Variants in MYO1D observed in about 807,000 individuals in gnomAD.
MYO1D encodes the protein unconventional myosin-Id.
Under a neutral mutation model 122.0 loss-of-function variants are expected in MYO1D, and 83 were observed. The ratio of observed to expected loss-of-function variants is 0.68; its 90% CI spans 0.57 to 0.82. MYO1D has a LOEUF of 0.82. Among genes scored for constraint, MYO1D ranks in the 40% least tolerant of loss-of-function variants. The probability of loss-of-function intolerance (pLI) is 0.00; values close to 1 mark genes in which losing one functional copy is unlikely to be tolerated. For synonymous variants in MYO1D, 464 were observed against 446.9 expected (o/e 1.04, Z -0.48); for missense variants, 1,157 against 1,269.5 (o/e 0.91, Z 1.35).
intron 1 of MYO1D, among the ~76,000 whole-genome samples, chr17:32,841,092 T>C (rs543021651): frequency 2.0e-5 from 3 of 152,354 alleles, no homozygotes; most frequent in Admixed American, 1.3e-4. Context: ...TAGGCTGAGC[T>C]ACGATGTTTG....
At chr17:32,663,492 G>A (rs1236382570) in intron 16 of MYO1D, among the ~76,000 whole-genome samples, 9 of 152,170 alleles carry the variant, frequency 5.9e-5, no homozygotes, top group African/African-American at 2.2e-4. Flanking sequence ...TGAAATAAAT[G>A]CATCAGAGGT....
At chr17:32,743,687 G>T (rs565064913) in intron 13 of MYO1D, among the ~76,000 whole-genome samples, 2 of 151,492 alleles carry the variant, frequency 1.3e-5, no homozygotes, top group Non-Finnish European at 2.9e-5. Context: ...GCGCGATCTC[G>T]GCTCACTGCA....
In MYO1D at chr17:32,513,547, T is replaced by A. The variant is rs55693753; in HGVS notation, c.2865-18632A>T. On this transcript the variant is annotated intron_variant, in intron 21 of 21. Transcript: ENST00000318217. Reference sequence around the variant, plus strand: ...CCCAGGAGTACACAGGGCTCAGTGCTCTCTCTCCCTTAAAGGAATAGATGT... The same window carrying A: ...CCCAGGAGTACACAGGGCTCAGTGCACTCTCTCCCTTAAAGGAATAGATGT... Among the ~76,000 whole-genome samples, 425 of 152,296 alleles carry A rather than the reference T, an allele frequency of 2.8e-3. 2 individuals carry two copies. The highest frequency in any genetic ancestry group is 1.0e-2 in the African/African-American group (414 of 41,560).
intron 21 of MYO1D, among the ~76,000 whole-genome samples, chr17:32,519,739 A>G (rs192594332): frequency 4.7e-4 from 72 of 152,172 alleles, no homozygotes; most frequent in Admixed American, 4.5e-3. Flanking sequence ...GGCTTAGATC[A>G]TCTGCTGGCA....
intron 20 of MYO1D, among the ~76,000 whole-genome samples, chr17:32,626,210 T>C (rs1247231160): frequency 6.6e-6 from 1 of 152,146 alleles, no homozygotes; most frequent in Non-Finnish European, 1.5e-5. Context: ...ACATGGGAGG[T>C]GCTCCAAAAT....
At chr17:32,857,857 T>A (rs2091040358) in intron 1 of MYO1D, among the ~76,000 whole-genome samples, 1 of 152,232 alleles carries the variant, frequency 6.6e-6, no homozygotes, top group East Asian at 1.9e-4. Context: ...ATCAGGCATT[T>A]ATTATATGCT....
rs749660322 is a variant in MYO1D at position 32,659,151 on chromosome 17, C to T, written c.2309G>A (p.Arg770His). The T allele has an allele frequency of 4.3e-6, 7 of 1,614,040 alleles. No homozygotes were observed. The African/African-American group carries it at 8.0e-5, about 18-fold the overall frequency. ...VKWPSPPKVL[R>H]RFEEALQTIF... is the part of the protein sequence containing the mutation. The stretch of plus-strand genomic sequence containing the variant: ...CGTCTGCAGGGCCTCCTCAAAACGG[C>T]GAAGAACTTTAGGAGGGCTTGGCCA... Residue 770 changes from arginine to histidine, a missense_variant, in exon 17 of 22, where the codon CGC (arginine) becomes CAC (histidine). By Grantham distance (29) the Arg-to-His change is conservative. Transcript: ENST00000318217.
chr17:32,685,571 G>A (rs574298738), intron 16 of MYO1D, among the ~76,000 whole-genome samples: 1 of 152,292 alleles, frequency 6.6e-6, no homozygotes, highest in East Asian at 1.9e-4. Context: ...CATGTCTGTA[G>A]AGGTTTTTCC....
chr17:32,843,532 T>C lies in MYO1D; in HGVS notation c.95+33246A>G, dbSNP rs540253282. 2.7e-3 allele frequency among the ~76,000 whole-genome samples: 417 copies of C among 152,332 alleles called. 3 individuals are homozygous for C. Among genetic ancestry groups the C allele is most frequent in the African/African-American group, 8.6e-3 (358 of 41,572 alleles). Reference sequence around the variant, plus strand: ...ATGTTTATTAGTCACTAAATCATCATGTATTCTATCTGGCATGCTAAGAAA... The same window carrying C: ...ATGTTTATTAGTCACTAAATCATCACGTATTCTATCTGGCATGCTAAGAAA... On this transcript the variant is annotated intron_variant, in intron 1 of 21. Coordinates refer to ENST00000318217, the MANE Select transcript of MYO1D (RefSeq NM_015194.3).
intron 3 of MYO1D, among the ~76,000 whole-genome samples, chr17:32,777,220 G>A (rs955629749): frequency 2.0e-5 from 3 of 152,070 alleles, no homozygotes. Context: ...AAGAAGGAGG[G>A]ATATGTTACA....
At chr17:32,760,156 A>G (rs779828092) in intron 10 of MYO1D, 134 bp downstream of exon 10, 1 of 832,414 alleles carries the variant, frequency 1.2e-6, no homozygotes, top group Non-Finnish European at 2.1e-6. Context: ...TTGTATTTAC[A>G]TATCCCAAAA....
chr17:32,668,977 CA>C (rs1446282820), intron 16 of MYO1D, among the ~76,000 whole-genome samples: 2 of 151,966 alleles, frequency 1.3e-5, no homozygotes, highest in African/African-American at 4.8e-5. Context: ...GCTGGGATTA[CA>C]GGTGTGAGCC....
chr17:32,569,524 C>G (rs1051667436), intron 21 of MYO1D, among the ~76,000 whole-genome samples: 1 of 152,204 alleles, frequency 6.6e-6, no homozygotes, highest in African/African-American at 2.4e-5. Flanking sequence ...GGTGAACACC[C>G]AGGGGAAGTG....
At chr17:32,683,534 TG>T (rs927856637) in intron 16 of MYO1D, among the ~76,000 whole-genome samples, 3 of 151,928 alleles carry the variant, frequency 2.0e-5, no homozygotes, top group Non-Finnish European at 4.4e-5. Flanking sequence ...GTGCCCCTGC[TG>T]GGGGGTGCCT....
rs932107190 is a variant in MYO1D at position 32,747,084 on chromosome 17, GTGGAAAATGGTGCCA to G, written c.1539-1814_1539-1800del. Among the ~76,000 whole-genome samples the G allele has an allele frequency of 4.8e-4, 73 of 152,206 alleles. 1 individual carries two copies. The East Asian group carries it at 5.6e-3, about 12-fold the overall frequency. On this transcript the variant is annotated intron_variant, in intron 12 of 21. Transcript: ENST00000318217. Reference sequence around the variant, plus strand: ...GAACCTGGGAACAGGACCAGAAAAAGTGGAAAATGGTGCCATTCCATCACTAATGGTTAGTTTGAC... The same window carrying G: ...GAACCTGGGAACAGGACCAGAAAAAGTTCCATCACTAATGGTTAGTTTGAC...
intron 19 of MYO1D, among the ~76,000 whole-genome samples, chr17:32,650,651 C>T (rs2088376240): frequency 6.6e-6 from 1 of 151,938 alleles, no homozygotes; most frequent in Admixed American, 6.6e-5. Context: ...CACTAGTTTT[C>T]CTTCTGCAAA....
chr17:32,658,021 G>A (rs1355536324), intron 17 of MYO1D, among the ~76,000 whole-genome samples: 4 of 152,202 alleles, frequency 2.6e-5, no homozygotes, highest in South Asian at 2.1e-4. Context: ...ATGTGACTAC[G>A]TAAAAAGCCT....
intron 1 of MYO1D, among the ~76,000 whole-genome samples, chr17:32,873,813 A>G (rs1333597800): frequency 6.6e-6 from 1 of 152,136 alleles, no homozygotes; most frequent in African/African-American, 2.4e-5. Context: ...GATGAGATAC[A>G]TACAAATACA....
intron 1 of MYO1D, among the ~76,000 whole-genome samples, chr17:32,789,391 T>C (rs2090328862): frequency 1.3e-5 from 2 of 151,956 alleles, no homozygotes; most frequent in Admixed American, 6.5e-5. Flanking sequence ...CAGTATGATG[T>C]TGGCTGTGAG....
Sources: allele counts gnomAD v4.1 joint callset (sites outside exome capture counted in the v4.1 genomes callset), GRCh38; gene constraint gnomAD v4.1.1; transcripts MANE v1.5; gene names NCBI Gene and HGNC (gene_info 2026-07-23, HGNC 2026-07-21).